PCDH15: variants seen among roughly 807,000 people sequenced by gnomAD.
The protein encoded by PCDH15 is protocadherin-15.
In PCDH15, 129 loss-of-function variants were observed where a neutral mutation model predicts 178.5. That is an observed-to-expected ratio of 0.72 (90% CI 0.63 to 0.84). The LOEUF is 0.84. PCDH15 is among the 40% of genes least tolerant of loss of function. The pLI, the probability that PCDH15 is intolerant of heterozygous loss-of-function variation, is 0.00. For missense variants in PCDH15, 2,230 were observed against 2,099.9 expected (o/e 1.06, Z -1.21); for synonymous variants, 800 against 732.0 (o/e 1.09, Z -1.50).
chr10:55,520,299 GTATATATATATATATACA>G lies in PCDH15; in HGVS notation c.-156+107308_-156+107325del, dbSNP rs1841138536. On this transcript the variant is annotated intron_variant, in intron 2 of 5. Transcript: ENST00000613346. ...GTGTATATATATATACACGCAATAT[GTATATATATATATATACA>G]TGCAATGTGTATATATATATATATA... Among the ~76,000 whole-genome samples, 5 of 71,540 alleles carry G rather than the reference GTATATATATATATATACA, an allele frequency of 7.0e-5. 1 individual carries two copies. The highest frequency in any genetic ancestry group is 4.2e-4 in the Admixed American group (3 of 7,162). The allele number at this position is 71,540 out of a possible 152,430, so 46.9% of individuals were successfully genotyped here. A position where few individuals can be genotyped will look rare whatever the true frequency, so the allele number is the denominator to read the frequency against.
At chr10:53,870,108 A>G (rs2079730749) in intron 26 of PCDH15, among the ~76,000 whole-genome samples, 4 of 152,212 alleles carry the variant, frequency 2.6e-5, no homozygotes, top group Admixed American at 2.0e-4. Context: ...GTTCTGACTG[A>G]TTAACTTCCA....
chr10:54,844,670 G>A (rs1407578933), intron 3 of PCDH15, among the ~76,000 whole-genome samples: 1 of 151,764 alleles, frequency 6.6e-6, no homozygotes, highest in Non-Finnish European at 1.5e-5. Flanking sequence ...GTATCCACAT[G>A]CAGCAGTCAC....
Position 54,362,653 on chromosome 10 carries a change from C to A in PCDH15, c.474+6467G>T, listed in dbSNP as rs112244099. On this transcript the variant is annotated intron_variant, in intron 5 of 37. Coordinates refer to ENST00000644397, the MANE Select transcript of PCDH15 (RefSeq NM_001384140.1). ...TTGCGTTGATCCTTATAGAGCCGTG[C>A]GTCTAGAAAAACCTTTCAACGAAAA... 6.6e-3 allele frequency among the ~76,000 whole-genome samples: 1,000 copies of A among 151,942 alleles called. 15 individuals are homozygous for A. Among genetic ancestry groups the A allele is most frequent in the African/African-American group, 0.023 (945 of 41,442 alleles).
chr10:55,351,991 T>A (rs998733303), intron 2 of PCDH15, among the ~76,000 whole-genome samples: 2 of 152,150 alleles, frequency 1.3e-5, no homozygotes, highest in Non-Finnish European at 1.5e-5. Flanking sequence ...ATACTTTGCA[T>A]GTATCAATTA....
At chr10:54,847,468 A>G (rs1953536049) in intron 3 of PCDH15, among the ~76,000 whole-genome samples, 1 of 151,962 alleles carries the variant, frequency 6.6e-6, no homozygotes, top group African/African-American at 2.4e-5. Flanking sequence ...CTTTTTAAGT[A>G]TAGTTTTACT....
intron 2 of PCDH15, among the ~76,000 whole-genome samples, chr10:55,371,642 C>T (rs1845511576): frequency 6.6e-6 from 1 of 152,056 alleles, no homozygotes; most frequent in Admixed American, 6.6e-5. Context: ...ATGGTAAAGA[C>T]ATGCTTGCTT....
chr10:54,134,537 C>T (rs7922839), intron 14 of PCDH15, among the ~76,000 whole-genome samples: 12 of 151,250 alleles, frequency 7.9e-5, no homozygotes, highest in African/African-American at 1.9e-4. Context: ...GTGGATCATG[C>T]GGTCAGGAGA....
chr10:54,116,922 T>C (rs1410322667), intron 15 of PCDH15, among the ~76,000 whole-genome samples: 1 of 152,186 alleles, frequency 6.6e-6, no homozygotes, highest in Non-Finnish European at 1.5e-5. Context: ...GAAGCACTGA[T>C]CTAGCATGCA....
chr10:54,641,510 A>G (rs4935116), intron 2 of PCDH15, among the ~76,000 whole-genome samples: 107,238 of 151,818 alleles, frequency 0.71, 39,566 homozygotes, highest in Non-Finnish European at 0.82. Flanking sequence ...ATTACATACC[A>G]CTTTTCCTCC....
intron 2 of PCDH15, among the ~76,000 whole-genome samples, chr10:54,908,161 C>T (rs1564621330): frequency 6.6e-6 from 1 of 152,192 alleles, no homozygotes. Context: ...CTGTGCTCAA[C>T]TCTGCTACAT....
At chr10:55,209,628 T>C (rs1417872925) in intron 1 of PCDH15, among the ~76,000 whole-genome samples, 1 of 152,096 alleles carries the variant, frequency 6.6e-6, no homozygotes, top group Non-Finnish European at 1.5e-5. Flanking sequence ...CTGGGTATTT[T>C]GTTTGTGCAG....
intron 1 of PCDH15, among the ~76,000 whole-genome samples, chr10:55,310,806 T>C: frequency 6.6e-6 from 1 of 152,058 alleles, no homozygotes; most frequent in South Asian, 2.1e-4. Context: ...TTCTCAATCC[T>C]AAGTGGGAGT....
chr10:54,154,177 ATAAAT>A (rs1309537692), intron 13 of PCDH15, among the ~76,000 whole-genome samples: 7 of 152,328 alleles, frequency 4.6e-5, no homozygotes, highest in East Asian at 1.9e-4. Context: ...GCTGATAAAT[ATAAAT>A]TAAAGGGGAA....
intron 7 of PCDH15, among the ~76,000 whole-genome samples, chr10:54,322,157 C>A (rs2061651023): frequency 6.6e-6 from 1 of 151,928 alleles, no homozygotes; most frequent in African/African-American, 2.4e-5. Flanking sequence ...TACTACTGCT[C>A]AAGGCTCTTC....
At chr10:55,222,928 T>C (rs1259920710) in intron 1 of PCDH15, among the ~76,000 whole-genome samples, 2 of 151,882 alleles carry the variant, frequency 1.3e-5, no homozygotes, top group Non-Finnish European at 2.9e-5. Context: ...TCTTTGTCCA[T>C]AGTTATTGAT....
At chr10:54,081,652 A>G (rs917257095) in intron 16 of PCDH15, among the ~76,000 whole-genome samples, 2 of 152,150 alleles carry the variant, frequency 1.3e-5, no homozygotes, top group Admixed American at 6.6e-5. Context: ...ATAGCTCACA[A>G]AAAGTCTTAT....
intron 2 of PCDH15, among the ~76,000 whole-genome samples, chr10:55,165,842 A>C (rs1326971073): frequency 6.6e-6 from 1 of 152,010 alleles, no homozygotes; most frequent in Non-Finnish European, 1.5e-5. Context: ...TTTATTTATA[A>C]ATTTTATTCA....
chr10:54,030,921 A>G (rs1427667683), intron 18 of PCDH15, among the ~76,000 whole-genome samples: 2 of 151,616 alleles, frequency 1.3e-5, no homozygotes, highest in Admixed American at 1.3e-4. Flanking sequence ...ATCCAGCTTT[A>G]CTCTATCTTG....
chr10:54,325,725 G>A (rs569735259), intron 7 of PCDH15, among the ~76,000 whole-genome samples: 2 of 151,988 alleles, frequency 1.3e-5, no homozygotes, highest in East Asian at 3.9e-4. Flanking sequence ...CTCTAGCCTG[G>A]GCAACATAGC....
Sources: gnomAD v4.1 joint callset for allele counts (sites outside exome capture counted in the v4.1 genomes callset) on GRCh38, gnomAD v4.1.1 for gene constraint, MANE v1.5 for transcripts, NCBI Gene and HGNC (gene_info 2026-07-23, HGNC 2026-07-21) for gene names.